EFCC1: variants seen among roughly 807,000 people sequenced by gnomAD.
The protein encoded by EFCC1 is EF-hand and coiled-coil domain-containing protein 1.
A neutral mutation model predicts 52.1 loss-of-function variants in EFCC1; 50 were observed. The observed-to-expected ratio is 0.96, with a 90% CI of 0.76 to 1.21. The LOEUF is 1.21. Among genes scored for constraint, EFCC1 ranks in the 50% most tolerant of loss-of-function variants. The pLI, the probability that EFCC1 is intolerant of heterozygous loss-of-function variation, is 0.00. For synonymous variants in EFCC1, 399 were observed against 396.5 expected (o/e 1.01, Z -0.08); for missense variants, 837 against 867.3 (o/e 0.97, Z 0.44).
chr3:129,030,894 G>T (rs745592187), intron 3 of EFCC1, 34 bp downstream of exon 3: 1 of 1,532,974 alleles, frequency 6.5e-7, no homozygotes, highest in African/African-American at 1.4e-5. Flanking sequence ...TTCCTGCCAG[G>T]CTCACAGTCC....
Position 129,038,750 on chromosome 3 carries a change from C to T in EFCC1, c.1594-81C>T, listed in dbSNP as rs541649794. 1.0e-5 allele frequency: 15 copies of T among 1,435,136 alleles called. No homozygotes were observed. In the African/African-American group the frequency reaches 1.1e-4, roughly 11 times the overall value. The allele number at this position is 1,435,136 out of a possible 1,614,324, so 88.9% of individuals were successfully genotyped here. A position where few individuals can be genotyped will look rare whatever the true frequency, so the allele number is the denominator to read the frequency against. ...GTCCCCAGGGAGCTGCCTAGAAGCC[C>T]GTAGGGGCCACCAGTTCCCATCGGC... On this transcript the variant is annotated intron_variant, in intron 6 of 7. Transcript: ENST00000683648.
At position 129,040,499 on chromosome 3, in the gene EFCC1, G is replaced by A. The variant is rs1236531516; in HGVS notation, c.*651G>A. ...CTAAGGTAATGGCAAGAGCAAAGGT[G>A]TGGAACCAGAGGGGGGCCCCAGGAA... On this transcript the variant is annotated 3_prime_UTR_variant, in exon 8 of 8. Transcript: ENST00000683648. This position sits in a 1 kb window ranked among gnomAD's most constrained non-coding sequence, Gnocchi z 4.4. 6.6e-6 allele frequency: 1 copy of A among 152,386 alleles called. No homozygotes were observed. The highest frequency in any genetic ancestry group is 2.4e-5 in the African/African-American group (1 of 41,458). The allele number at this position is 152,386 out of a possible 1,614,324, so 9.4% of individuals were successfully genotyped here. A position where few individuals can be genotyped will look rare whatever the true frequency, so the allele number is the denominator to read the frequency against.
intron 1 of EFCC1, chr3:129,002,674 C>T (rs1471188645): frequency 3.3e-6 from 1 of 303,592 alleles, no homozygotes; most frequent in Non-Finnish European, 6.0e-6. Flanking sequence ...CAACAAGCAT[C>T]TTTCTCTCTC....
chr3:129,011,160 A>G (rs1945308883), intron 2 of EFCC1, among the ~76,000 whole-genome samples: 1 of 152,226 alleles, frequency 6.6e-6, no homozygotes, highest in Non-Finnish European at 1.5e-5. Context: ...TGAGATGAGA[A>G]TAATAATGAT....
chr3:129,031,330 G>A (rs1205771984), intron 3 of EFCC1, among the ~76,000 whole-genome samples: 2 of 152,178 alleles, frequency 1.3e-5, no homozygotes, highest in Non-Finnish European at 2.9e-5. Flanking sequence ...ACTCGGAGGG[G>A]GAGTGGGGGC....
At chr3:129,021,009 TGG>T (rs1559966903) in intron 2 of EFCC1, among the ~76,000 whole-genome samples, 1 of 152,182 alleles carries the variant, frequency 6.6e-6, no homozygotes, top group African/African-American at 2.4e-5. Context: ...GGCATCTCCT[TGG>T]GAGCAGTATC....
At chr3:129,008,313 T>C (rs1271494415) in intron 2 of EFCC1, among the ~76,000 whole-genome samples, 2 of 152,248 alleles carry the variant, frequency 1.3e-5, no homozygotes, top group Non-Finnish European at 2.9e-5. Context: ...ATGCAAGGTC[T>C]CCTGTCCCTA....
Position 129,039,830 on chromosome 3 carries a change from C to A in EFCC1, c.1782C>A (p.Pro594=), listed in dbSNP as rs147108021. Residue 594 remains proline, a synonymous_variant, in exon 8 of 8, where the codon CCC becomes CCA. Transcript: ENST00000683648. ...CTGCAGCAGCTGCGCTCACCAACCC[C>A]CTCCTCGTCTCCTGCTGAGGTTACT... ...PASAAAALTN[P]LLVSC 1.9e-6 allele frequency: 3 copies of A among 1,608,926 alleles called. No homozygotes were observed. The highest frequency in any genetic ancestry group is 2.5e-6 in the Non-Finnish European group (3 of 1,176,720).
At chr3:129,017,094 T>G (rs1945618315) in intron 2 of EFCC1, among the ~76,000 whole-genome samples, 1 of 152,226 alleles carries the variant, frequency 6.6e-6, no homozygotes, top group Non-Finnish European at 1.5e-5. Flanking sequence ...GCCTCAGGCA[T>G]CACTGCCATA....
intron 2 of EFCC1, among the ~76,000 whole-genome samples, chr3:129,008,255 C>G (rs1327998243): frequency 6.6e-6 from 1 of 152,244 alleles, no homozygotes; most frequent in East Asian, 1.9e-4. Context: ...TAAGACAGCC[C>G]TTGCTGGCCC....
Position 129,003,965 on chromosome 3 carries a change from C to A in EFCC1, c.868C>A (p.Gln290Lys). The change falls in exon 2 of 8, where the codon CAG (glutamine) becomes AAG (lysine). Residue 290 changes from glutamine to lysine, a missense_variant. Gln to Lys is a moderately conservative substitution (Grantham distance 53). Transcript: ENST00000683648. The part of the protein sequence containing the change: ...EVRRRAEEAR[Q>K]VVLRSLHRVR... The stretch of plus-strand genomic sequence containing the variant: ...GCGGCGGCGCGCGGAGGAGGCCCGG[C>A]AGGTGGTGCTGCGCAGCCTGCACCG... 6.9e-7 allele frequency: 1 copy of A among 1,449,990 alleles called. No homozygotes were observed. Among genetic ancestry groups the A allele is most frequent in the East Asian group, 3.0e-5 (1 of 32,996 alleles). 89.8% of individuals were successfully genotyped at this position (1,449,990 alleles called of 1,614,324 possible).
At chr3:129,034,131 C>A in intron 4 of EFCC1, 33 bp from the exon 5 acceptor site, 2 of 1,613,280 alleles carry the variant, frequency 1.2e-6, no homozygotes, top group South Asian at 2.2e-5. Context: ...GGGAAGCAGC[C>A]CCCTGCAATG....
chr3:129,013,744 C>T (rs932791908), intron 2 of EFCC1, among the ~76,000 whole-genome samples: 4 of 152,226 alleles, frequency 2.6e-5, no homozygotes, highest in Non-Finnish European at 5.9e-5. Flanking sequence ...CTAGACCTGG[C>T]TAAAACATTC....
intron 2 of EFCC1, among the ~76,000 whole-genome samples, chr3:129,030,186 AAAAC>A (rs1051536859): frequency 5.9e-5 from 9 of 152,250 alleles, no homozygotes; most frequent in East Asian, 1.9e-4. Context: ...CTATCTCTTA[AAAAC>A]AAACAAACAA....
chr3:129,001,498 T>C lies in EFCC1; in HGVS notation c.-131T>C, dbSNP rs1445062629. On this transcript the variant is annotated 5_prime_UTR_variant, in exon 1 of 8. Coordinates refer to ENST00000683648, the MANE Select transcript of EFCC1 (RefSeq NM_001377500.1). ...AGGCCAGCGCAGCTGCTGGACACGG[T>C]CCCCGGCGCCGCTCCAACCAGACCG... The C allele has an allele frequency of 7.7e-7, 1 of 1,290,716 alleles. No homozygotes were observed. Among genetic ancestry groups the C allele is most frequent in the Admixed American group, 4.1e-5 (1 of 24,550 alleles). The allele number at this position is 1,290,716 out of a possible 1,614,324, so 80.0% of individuals were successfully genotyped here. A position where few individuals can be genotyped will look rare whatever the true frequency, so the allele number is the denominator to read the frequency against.
intron 6 of EFCC1, 41 bp downstream of exon 6, chr3:129,037,158 G>A (rs765783587): frequency 9.0e-6 from 14 of 1,553,136 alleles, no homozygotes; most frequent in Non-Finnish European, 1.0e-5. Context: ...GGAAGGGAAA[G>A]GAGCTCTTGG....
In EFCC1 at chr3:129,001,658, C is replaced by T. The variant is rs1276258653; in HGVS notation, c.30C>T (p.Ala10=). 1.4e-6 allele frequency: 2 copies of T among 1,401,408 alleles called. No homozygotes were observed. Among genetic ancestry groups the T allele is most frequent in the Non-Finnish European group, 1.8e-6 (2 of 1,081,244 alleles). 86.8% of individuals were successfully genotyped at this position (1,401,408 alleles called of 1,614,324 possible). The change falls in exon 1 of 8, where the codon GCC becomes GCT. Residue 10 remains alanine (A), a synonymous_variant. Coordinates refer to ENST00000683648, the MANE Select transcript of EFCC1 (RefSeq NM_001377500.1). ...AGCCGGTCAGCACGGGCGCGGAGGC[C>T]GGCATGGAGGGCGCGGGAGGTGACC... MEPVSTGAE[A]GMEGAGGDPY...
intron 2 of EFCC1, among the ~76,000 whole-genome samples, chr3:129,004,527 C>T (rs1474289454): frequency 6.7e-6 from 1 of 149,226 alleles, no homozygotes; most frequent in African/African-American, 2.5e-5. Context: ...ATCATCCATC[C>T]ATCCCCCCAC....
At chr3:129,037,184 G>C (rs1430225873) in intron 6 of EFCC1, 67 bp downstream of exon 6, 3 of 1,506,490 alleles carry the variant, frequency 2.0e-6, no homozygotes, top group African/African-American at 1.4e-5. Flanking sequence ...AGCCCCACTT[G>C]TGTCAGGCAC....
Sources: allele counts gnomAD v4.1 joint callset (sites outside exome capture counted in the v4.1 genomes callset), GRCh38; gene constraint gnomAD v4.1.1; non-coding constraint Gnocchi (gnomAD v3.1); transcripts MANE v1.5; gene names NCBI Gene and HGNC (gene_info 2026-07-23, HGNC 2026-07-21).